TRIP4: variants seen among roughly 807,000 people sequenced by gnomAD.
The protein encoded by TRIP4 is thyroid hormone receptor interactor 4.
In TRIP4, 54 loss-of-function variants were observed where a neutral mutation model predicts 81.8. The ratio of observed to expected loss-of-function variants is 0.66; its 90% confidence interval spans 0.53 to 0.83. TRIP4 has a LOEUF of 0.83. TRIP4 is among the 40% of genes least tolerant of loss of function. The pLI is 0.00. For synonymous variants in TRIP4, 270 were observed against 242.8 expected (o/e 1.11, Z -1.04); for missense variants, 662 against 683.6 (o/e 0.97, Z 0.35).
intron 9 of TRIP4, among the ~76,000 whole-genome samples, chr15:64,419,466 C>G (rs909398200): frequency 1.3e-5 from 2 of 151,916 alleles, no homozygotes; most frequent in African/African-American, 4.8e-5. Flanking sequence ...TCACGCCATT[C>G]TCCTGCCTCA....
intron 8 of TRIP4, 127 bp downstream of exon 8, chr15:64,414,338 C>T (rs559528026): frequency 3.4e-4 from 428 of 1,256,364 alleles, no homozygotes; most frequent in Non-Finnish European, 4.1e-4. Context: ...CCAATCAGCT[C>T]TCTCAACACA....
chr15:64,410,057 G>A (rs1374207389), intron 7 of TRIP4, among the ~76,000 whole-genome samples: 12 of 133,332 alleles, frequency 9.0e-5, no homozygotes, highest in Middle Eastern at 4.6e-3. Flanking sequence ...ATGGAGTCTC[G>A]CTTTGTTGCC....
intron 8 of TRIP4, among the ~76,000 whole-genome samples, chr15:64,417,629 A>T (rs1209373002): frequency 6.6e-6 from 1 of 152,098 alleles, no homozygotes. Context: ...CCTGTACCTT[A>T]TAATTCTCTA....
At position 64,397,796 on chromosome 15, in the gene TRIP4, C is replaced by G. The variant is rs1900337992; in HGVS notation, c.596C>G (p.Pro199Arg). The G allele has an allele frequency of 3.1e-6, 5 of 1,614,210 alleles. No individual in the cohort carries two copies. The South Asian group carries it at 4.4e-5, about 14-fold the overall frequency. Residue 199 changes from proline to arginine, a missense_variant, in exon 4 of 13, where the codon CCT becomes CGT. Pro to Arg is a moderately radical substitution (Grantham distance 103). Transcript: ENST00000261884. Reference sequence around the variant, plus strand: ...GTCTGTGAACAAGAAGGCTCAGGCCCTTGCTTATTCTGTGGCACTCTGGTA... The same window carrying G: ...GTCTGTGAACAAGAAGGCTCAGGCCGTTGCTTATTCTGTGGCACTCTGGTA... The part of the protein sequence containing the change: ...RIVCEQEGSG[P>R]CLFCGTLVCT...
At chr15:64,389,151 A>AG (rs1172224806) in intron 1 of TRIP4, among the ~76,000 whole-genome samples, 7 of 152,224 alleles carry the variant, frequency 4.6e-5, no homozygotes. Flanking sequence ...GTGTTCAGGC[A>AG]GGGGAGAAAA....
intron 11 of TRIP4, among the ~76,000 whole-genome samples, chr15:64,431,855 T>TTTA (rs1281067687): frequency 7.6e-6 from 1 of 131,768 alleles, no homozygotes; most frequent in Admixed American, 7.2e-5. Flanking sequence ...ATATTTTTTT[T>TTTA]ATCCAAAGAG....
chr15:64,395,436 C>A lies in TRIP4; in HGVS notation c.310C>A (p.Arg104=). The change falls in exon 3 of 13, where the codon CGG becomes AGG. Residue 104 remains arginine (R), a synonymous_variant. Coordinates refer to ENST00000261884, the MANE Select transcript of TRIP4 (RefSeq NM_016213.5). ...DGQKSGDHLK[R]GRKKGRNRQE... is the part of the protein sequence containing the mutation. ...GCAGAAATCAGGCGACCATCTAAAG[C>A]GGGGTAGGAAGAAAGGGAGAAACAG... 6.2e-7 allele frequency: 1 copy of A among 1,612,108 alleles called. No individual in the cohort carries two copies. The highest frequency in any genetic ancestry group is 1.1e-5 in the South Asian group (1 of 90,884).
chr15:64,438,232 C>A (rs1892444097), intron 11 of TRIP4, among the ~76,000 whole-genome samples: 1 of 152,162 alleles, frequency 6.6e-6, no homozygotes, highest in South Asian at 2.1e-4. Flanking sequence ...ATTGGCACAG[C>A]CCTTAACTCA....
chr15:64,420,078 T>C (rs1891976618), intron 9 of TRIP4, among the ~76,000 whole-genome samples: 1 of 151,932 alleles, frequency 6.6e-6, no homozygotes, highest in Non-Finnish European at 1.5e-5. Flanking sequence ...CCTCCCAAAC[T>C]GCTGGGATTA....
chr15:64,454,636 G>A (rs1226526078), intron 12 of TRIP4, among the ~76,000 whole-genome samples: 3 of 152,160 alleles, frequency 2.0e-5, no homozygotes, highest in Admixed American at 1.3e-4. Flanking sequence ...TCACAGGAAT[G>A]GATTTCCCAC....
intron 12 of TRIP4, among the ~76,000 whole-genome samples, chr15:64,448,267 T>C (rs1159119450): frequency 6.6e-6 from 1 of 152,168 alleles, no homozygotes. Context: ...TAGCTATTTC[T>C]CTGAAATGTT....
chr15:64,442,089 G>C (rs1025372621), intron 11 of TRIP4, among the ~76,000 whole-genome samples: 1 of 152,068 alleles, frequency 6.6e-6, no homozygotes, highest in South Asian at 2.1e-4. Flanking sequence ...TGGGGGGCCA[G>C]ATTGTCTATG....
At chr15:64,397,008 C>G (rs1900314242) in intron 3 of TRIP4, among the ~76,000 whole-genome samples, 1 of 152,124 alleles carries the variant, frequency 6.6e-6, no homozygotes, top group African/African-American at 2.4e-5. Context: ...AAATTGAGCA[C>G]TTTTTCATAT....
intron 12 of TRIP4, among the ~76,000 whole-genome samples, chr15:64,454,079 G>A (rs1892829607): frequency 6.6e-6 from 1 of 151,410 alleles, no homozygotes; most frequent in African/African-American, 2.4e-5. Flanking sequence ...ATGGGCCTGT[G>A]GTATACTCAG....
intron 12 of TRIP4, among the ~76,000 whole-genome samples, chr15:64,445,638 C>T (rs150568522): frequency 0.015 from 1,879 of 123,220 alleles, 16 homozygotes; most frequent in Middle Eastern, 0.089. Context: ...CATTACACTC[C>T]AGCCTGGTAA....
chr15:64,454,285 T>C (rs1174126896), intron 12 of TRIP4, among the ~76,000 whole-genome samples: 1 of 152,168 alleles, frequency 6.6e-6, no homozygotes, highest in African/African-American at 2.4e-5. Context: ...AAGATTCTCC[T>C]AATGAGATGG....
chr15:64,447,259 T>C (rs372829612), intron 12 of TRIP4, among the ~76,000 whole-genome samples: 1 of 152,226 alleles, frequency 6.6e-6, no homozygotes, highest in Non-Finnish European at 1.5e-5. Context: ...TGCTTTCCCA[T>C]TGTGTGAATT....
intron 12 of TRIP4, among the ~76,000 whole-genome samples, chr15:64,448,432 G>A (rs1892682367): frequency 6.6e-6 from 1 of 152,056 alleles, no homozygotes; most frequent in South Asian, 2.1e-4. Flanking sequence ...TGGTAGACTA[G>A]ACAAGGTTAA....
chr15:64,396,716 T>G (rs569992552), intron 3 of TRIP4, among the ~76,000 whole-genome samples: 1 of 152,338 alleles, frequency 6.6e-6, no homozygotes, highest in African/African-American at 2.4e-5. Flanking sequence ...AGTTTCCAAT[T>G]CCAATGCAAC....
Sources: gnomAD v4.1 joint callset for allele counts (sites outside exome capture counted in the v4.1 genomes callset) on GRCh38, gnomAD v4.1.1 for gene constraint, MANE v1.5 for transcripts, NCBI Gene and HGNC (gene_info 2026-07-23, HGNC 2026-07-21) for gene names.